Variants in MED27 observed in about 807,000 individuals in gnomAD.
MED27 encodes mediator of RNA polymerase II transcription subunit 27.
MED27 carries 30 observed loss-of-function variants against 38.2 expected under a neutral mutation model. The observed-to-expected ratio is 0.79, with a 90% CI of 0.59 to 1.07. The LOEUF (loss-of-function observed/expected upper bound fraction) is 1.07, where lower values mean the gene tolerates loss of function less well. MED27 is among the 50% of genes least tolerant of loss of function. The pLI, the probability that MED27 is intolerant of heterozygous loss-of-function variation, is 0.00. For synonymous variants in MED27, 122 were observed against 153.5 expected, an observed-to-expected ratio of 0.79 and a Z score of 1.52; for missense variants, 289 against 397.5, an observed-to-expected ratio of 0.73 and a Z score of 2.32.
At chr9:132,062,382 T>A (rs561421222) in intron 2 of MED27, among the ~76,000 whole-genome samples, 25 of 152,228 alleles carry the variant, frequency 1.6e-4, no homozygotes, top group African/African-American at 5.8e-4. Flanking sequence ...TAGAAAAGAC[T>A]CTCAAGTAAC....
intron 4 of MED27, among the ~76,000 whole-genome samples, chr9:131,936,151 G>A (rs1341458311): frequency 2.1e-5 from 3 of 146,012 alleles, no homozygotes; most frequent in Non-Finnish European, 3.0e-5. Flanking sequence ...AAAAAAAAAA[G>A]AAAGAAAGAA....
chr9:131,863,185 G>T (rs2131445794), intron 6 of MED27, 45 bp from the exon 7 acceptor site: 1 of 1,552,378 alleles, frequency 6.4e-7, no homozygotes, highest in Non-Finnish European at 8.9e-7. Context: ...CTCCAAGCTG[G>T]CATAGAGAAA....
chr9:131,907,108 T>TA (rs1830078951), intron 4 of MED27, among the ~76,000 whole-genome samples: 1 of 152,164 alleles, frequency 6.6e-6, no homozygotes, highest in African/African-American at 2.4e-5. Flanking sequence ...CTGGCTTCTT[T>TA]ACCACAACCT....
intron 3 of MED27, among the ~76,000 whole-genome samples, chr9:131,968,206 C>T (rs549282591): frequency 1.7e-4 from 26 of 152,108 alleles, no homozygotes; most frequent in African/African-American, 4.1e-4. Context: ...GGCACGGTGG[C>T]GCATGCCTGT....
chr9:132,029,480 G>A (rs911820781), intron 2 of MED27, among the ~76,000 whole-genome samples: 1 of 152,088 alleles, frequency 6.6e-6, no homozygotes, highest in Non-Finnish European at 1.5e-5. Context: ...TCACCAACTG[G>A]CATTTCAAAA....
At chr9:131,969,272 C>T (rs917298849) in intron 3 of MED27, among the ~76,000 whole-genome samples, 3 of 151,076 alleles carry the variant, frequency 2.0e-5, no homozygotes, top group African/African-American at 7.3e-5. Flanking sequence ...AGATTGTTTA[C>T]TCAGTCTTAG....
chr9:131,984,146 T>A (rs1831800422), intron 3 of MED27, among the ~76,000 whole-genome samples: 1 of 152,170 alleles, frequency 6.6e-6, no homozygotes, highest in Non-Finnish European at 1.5e-5. Context: ...TGTCACCATT[T>A]CAAGGCAGTT....
At chr9:131,900,349 T>C (rs559078067) in intron 4 of MED27, among the ~76,000 whole-genome samples, 1 of 152,176 alleles carries the variant, frequency 6.6e-6, no homozygotes, top group Non-Finnish European at 1.5e-5. Flanking sequence ...TCTAATCCAC[T>C]GTGGCAAGGC....
intron 3 of MED27, among the ~76,000 whole-genome samples, chr9:131,970,189 C>A (rs957669650): frequency 1.3e-5 from 2 of 152,260 alleles, no homozygotes; most frequent in African/African-American, 4.8e-5. Flanking sequence ...CAAGGGGCTG[C>A]AGAACCACCC....
At chr9:131,925,756 GC>G (rs1431739686) in intron 4 of MED27, among the ~76,000 whole-genome samples, 3 of 152,178 alleles carry the variant, frequency 2.0e-5, no homozygotes, top group African/African-American at 7.2e-5. Context: ...TGATAAACAC[GC>G]CAGGGGACAG....
chr9:131,968,187 T>C (rs2131009355), intron 3 of MED27, among the ~76,000 whole-genome samples: 1 of 152,198 alleles, frequency 6.6e-6, no homozygotes, highest in African/African-American at 2.4e-5. Context: ...TATAAGAATG[T>C]TGAGACCAGG....
Position 131,883,413 on chromosome 9 carries a change from G to A in MED27, c.723+645C>T, listed in dbSNP as rs546507496. 6.6e-6 allele frequency among the ~76,000 whole-genome samples: 1 copy of A among 152,298 alleles called. No individual in the cohort carries two copies. Among genetic ancestry groups the A allele is most frequent in the African/African-American group, 2.4e-5 (1 of 41,560 alleles). Reference sequence around the variant, plus strand: ...TAGTCCAGGGAAGGGGCCCTGCACTGTCAGGAGCTGGGGAAATGAATTTTC... The same window carrying A: ...TAGTCCAGGGAAGGGGCCCTGCACTATCAGGAGCTGGGGAAATGAATTTTC... On this transcript the variant is annotated intron_variant, in intron 6 of 7. Coordinates refer to ENST00000292035, the MANE Select transcript of MED27 (RefSeq NM_004269.4). The surrounding 1 kb of genome is among the most constrained non-coding windows in gnomAD (Gnocchi z 4.2).
intron 2 of MED27, among the ~76,000 whole-genome samples, chr9:132,023,318 T>C (rs1278151898): frequency 6.6e-6 from 1 of 152,212 alleles, no homozygotes; most frequent in Non-Finnish European, 1.5e-5. Flanking sequence ...CAGTCACTCA[T>C]TGCCAAGGTA....
At chr9:131,894,797 T>C (rs1322054824) in intron 4 of MED27, among the ~76,000 whole-genome samples, 2 of 152,072 alleles carry the variant, frequency 1.3e-5, no homozygotes, top group Non-Finnish European at 2.9e-5. Flanking sequence ...TGAAATTTTA[T>C]CCCCAATGTG....
intron 6 of MED27, among the ~76,000 whole-genome samples, chr9:131,871,050 G>A (rs1004520678): frequency 6.6e-6 from 1 of 152,218 alleles, no homozygotes; most frequent in African/African-American, 2.4e-5. Flanking sequence ...CGGGGAGAGT[G>A]GGATGGTCCT....
At chr9:132,073,042 T>C (rs1365782914) in intron 2 of MED27, among the ~76,000 whole-genome samples, 1 of 152,064 alleles carries the variant, frequency 6.6e-6, no homozygotes. Context: ...TTAGCCTGAC[T>C]CAGGCAACTC....
At chr9:131,988,995 T>C (rs9411424) in intron 3 of MED27, among the ~76,000 whole-genome samples, 86,599 of 151,962 alleles carry the variant, frequency 0.57, 26,643 homozygotes, top group Non-Finnish European at 0.68. Flanking sequence ...GTTTGTTCCA[T>C]AGGTACACGA....
chr9:132,020,584 A>G (rs144413841), intron 2 of MED27, among the ~76,000 whole-genome samples: 1 of 152,356 alleles, frequency 6.6e-6, no homozygotes, highest in Non-Finnish European at 1.5e-5. Flanking sequence ...GTGAGTTGCA[A>G]GGACCTTTGC....
At chr9:131,877,057 C>A (rs889560143) in intron 6 of MED27, among the ~76,000 whole-genome samples, 1 of 152,214 alleles carries the variant, frequency 6.6e-6, no homozygotes, top group Non-Finnish European at 1.5e-5. Flanking sequence ...GGGCCTTCAA[C>A]GACTCTGGGA....
Sources: allele counts gnomAD v4.1 joint callset (sites outside exome capture counted in the v4.1 genomes callset), GRCh38; gene constraint gnomAD v4.1.1; non-coding constraint Gnocchi (gnomAD v3.1); transcripts MANE v1.5; gene names NCBI Gene and HGNC (gene_info 2026-07-23, HGNC 2026-07-21).